ANKAR: variants seen among roughly 807,000 people sequenced by gnomAD.
ANKAR encodes ankyrin and armadillo repeat containing.
Under a neutral mutation model 146.2 loss-of-function variants are expected in ANKAR, and 136 were observed. That is an observed-to-expected ratio of 0.93 (90% CI 0.81 to 1.07). The LOEUF (loss-of-function observed/expected upper bound fraction) is 1.07, where lower values mean the gene tolerates loss of function less well. Ranked by LOEUF, ANKAR falls within the 50% of genes least tolerant of loss-of-function variation. ANKAR has a pLI of 0.00. For synonymous variants in ANKAR, 500 were observed against 575.8 expected, an observed-to-expected ratio of 0.87 and a Z score of 1.88; for missense variants, 1,567 against 1,679.9, an observed-to-expected ratio of 0.93 and a Z score of 1.18.
At chr2:189,703,282 G>A (rs1054019040) in intron 7 of ANKAR, among the ~76,000 whole-genome samples, 3 of 152,180 alleles carry the variant, frequency 2.0e-5, no homozygotes, top group Middle Eastern at 3.2e-3. Context: ...AAAACAAGAT[G>A]GGGATAGCAG....
chr2:189,702,224 C>T (rs1424026570), intron 7 of ANKAR, among the ~76,000 whole-genome samples: 1 of 152,106 alleles, frequency 6.6e-6, no homozygotes, highest in Non-Finnish European at 1.5e-5. Flanking sequence ...GAACAGAATG[C>T]CCTGGAGTAT....
In ANKAR at chr2:189,689,946, C is replaced by T. The variant is rs754109964; in HGVS notation, c.1021C>T (p.Leu341=). The T allele has an allele frequency of 9.3e-6, 14 of 1,507,638 alleles. 1 individual carries two copies. In the South Asian group the frequency reaches 1.9e-4, roughly 20 times the overall value. 93.4% of individuals were successfully genotyped at this position (1,507,638 alleles called of 1,614,324 possible). Residue 341 remains leucine, a synonymous_variant, in exon 3 of 23, where the codon CTG becomes TTG. Transcript: ENST00000684021. The stretch of plus-strand genomic sequence containing the variant: ...AATGAAAGTTCCATATTTAAGTAGT[C>T]TGCTTCAGCCTTTTTCAGGTAAGAG... ...KKMKVPYLSS[L]LQPFSDDKVK...
chr2:189,688,580 C>T (rs2035948019), intron 2 of ANKAR, among the ~76,000 whole-genome samples: 1 of 152,172 alleles, frequency 6.6e-6, no homozygotes, highest in Non-Finnish European at 1.5e-5. Context: ...GCCATTCTGA[C>T]AGGCATTTCG....
Position 189,684,453 on chromosome 2 carries a change from G to A in ANKAR, c.602-5074G>A, listed in dbSNP as rs533418450. Among the ~76,000 whole-genome samples the A allele has an allele frequency of 6.6e-5, 10 of 152,230 alleles. 1 individual carries two copies. In the East Asian group the frequency reaches 1.5e-3, roughly 23 times the overall value. ...CATTAAGCTCATTCTTGAGAGCACA[G>A]AAAATTGTGTCTTTTTTGGTTTGAT... is the stretch of plus-strand genomic sequence containing the variant. On this transcript the variant is annotated intron_variant, in intron 2 of 22. Transcript: ENST00000684021.
chr2:189,728,010 T>G lies in ANKAR; in HGVS notation c.2790T>G (p.Ala930=). Residue 930 remains alanine, a synonymous_variant, in exon 13 of 23, where the codon GCT becomes GCG. Coordinates refer to ENST00000684021, the MANE Select transcript of ANKAR (RefSeq NM_001378068.1). ...QISVQMKGAM[A]VESLASHNAL... ...GTGTCCAAATGAAAGGTGCAATGGCTGTGGAATCACTGGCAAGTCACAACG... is the reference window on the plus strand; with the variant it reads ...GTGTCCAAATGAAAGGTGCAATGGCGGTGGAATCACTGGCAAGTCACAACG... The G allele has an allele frequency of 1.9e-6, 3 of 1,614,056 alleles. No individual in the cohort carries two copies. Among genetic ancestry groups the G allele is most frequent in the Non-Finnish European group, 2.5e-6 (3 of 1,179,974 alleles).
chr2:189,728,159 A>C, intron 13 of ANKAR, 62 bp downstream of exon 13: 2 of 1,518,104 alleles, frequency 1.3e-6, no homozygotes, highest in Non-Finnish European at 8.8e-7. Flanking sequence ...TGAATTGTTA[A>C]GTGAATAGAA....
intron 16 of ANKAR, among the ~76,000 whole-genome samples, chr2:189,731,425 G>A (rs1172177298): frequency 6.9e-6 from 1 of 145,466 alleles, no homozygotes; most frequent in Non-Finnish European, 1.5e-5. Context: ...CCAGGCTGGA[G>A]TGCAATGGTG....
chr2:189,732,979 A>C, intron 16 of ANKAR, 128 bp from the exon 17 acceptor site: 1 of 869,818 alleles, frequency 1.1e-6, no homozygotes, highest in Non-Finnish European at 1.6e-6. Flanking sequence ...AACTGGAATC[A>C]ATGGATTATA....
chr2:189,750,038 G>A (rs1490663373), downstream of ANKAR, among the ~76,000 whole-genome samples: 14 of 152,198 alleles, frequency 9.2e-5, no homozygotes, highest in African/African-American at 2.2e-4. Flanking sequence ...CAGGAGAATC[G>A]CTTGAACCCA....
chr2:189,760,808 A>T (rs916640052), intron 18 of ANKAR, among the ~76,000 whole-genome samples: 1 of 152,112 alleles, frequency 6.6e-6, no homozygotes, highest in Non-Finnish European at 1.5e-5. Context: ...AAAAGAAAAA[A>T]AAAATCTGGA....
intron 19 of ANKAR, among the ~76,000 whole-genome samples, chr2:189,740,742 G>A (rs1574745537): frequency 1.3e-5 from 2 of 150,812 alleles, no homozygotes; most frequent in Non-Finnish European, 2.9e-5. Flanking sequence ...TGCCCAGGCT[G>A]TAGTGCAATG....
chr2:189,711,015 T>C, intron 9 of ANKAR, 34 bp from the exon 10 acceptor site: 3 of 1,571,654 alleles, frequency 1.9e-6, no homozygotes, highest in Non-Finnish European at 2.6e-6. Flanking sequence ...TTTGTGCAAA[T>C]TACAGCTGTG....
chr2:189,728,354 G>T lies in ANKAR; in HGVS notation c.2965G>T (p.Glu989Ter), dbSNP rs779737213. The change falls in exon 14 of 23, where the codon GAA (glutamate) becomes TAA (stop). Residue 989 changes from glutamate (E) to a stop codon, truncating the protein, a stop_gained. Transcript: ENST00000684021. LOFTEE classifies it high-confidence loss of function. ...ACTAAAACAACAAAAATATATGGCAGAACAAATTGGATACAGCTTTATAAT... is the reference window on the plus strand; with the variant it reads ...ACTAAAACAACAAAAATATATGGCATAACAAATTGGATACAGCTTTATAAT... ...QTLKQQKYMA[E>*]QIGYSFIINM... 6.2e-7 allele frequency: 1 copy of T among 1,613,132 alleles called. No homozygotes were observed. Among genetic ancestry groups the T allele is most frequent in the Non-Finnish European group, 8.5e-7 (1 of 1,179,676 alleles).
At chr2:189,761,273 G>A (rs1397834135), downstream of ANKAR, 8 of 752,740 alleles carry the variant, frequency 1.1e-5, no homozygotes, top group Non-Finnish European at 1.6e-5. Flanking sequence ...AGGATGAAGT[G>A]TTTGAGGTTT....
intron 8 of ANKAR, 135 bp downstream of exon 8, chr2:189,705,359 A>C: frequency 1.1e-6 from 1 of 882,908 alleles, no homozygotes; most frequent in Non-Finnish European, 1.7e-6. Context: ...CTAAAAGGTG[A>C]TAGGTGTGGG....
At position 189,733,205 on chromosome 2, in the gene ANKAR, T is replaced by A; in HGVS notation, c.3399T>A (p.Leu1133=). Residue 1133 remains leucine, a synonymous_variant, in exon 17 of 23, where the codon CTT becomes CTA. Transcript: ENST00000684021. ...ENEGFEYADV[L]YLLHSTEKDI... The stretch of plus-strand genomic sequence containing the variant: ...AAGGATTTGAATATGCTGATGTCCT[T>A]TATCTTCTTCACTCAACAGAAAAGG... 6.2e-7 allele frequency: 1 copy of A among 1,608,026 alleles called. No homozygotes were observed. Among genetic ancestry groups the A allele is most frequent in the South Asian group, 1.1e-5 (1 of 89,300 alleles).
chr2:189,684,032 G>A (rs2035151577), intron 2 of ANKAR, among the ~76,000 whole-genome samples: 1 of 152,168 alleles, frequency 6.6e-6, no homozygotes, highest in African/African-American at 2.4e-5. Flanking sequence ...ATTTTAGTTA[G>A]GGTGGATCCC....
chr2:189,685,771 G>A (rs1008712212), intron 2 of ANKAR, among the ~76,000 whole-genome samples: 26 of 152,130 alleles, frequency 1.7e-4, no homozygotes, highest in African/African-American at 6.3e-4. Context: ...AGGAGGGGAA[G>A]TGCTGAACTG....
rs762259263 is a variant in ANKAR at position 189,754,083 on chromosome 2, A to C, written c.*585-7015A>C. 4.3e-6 allele frequency: 7 copies of C among 1,612,002 alleles called. No individual in the cohort carries two copies. In the South Asian group the frequency reaches 7.7e-5, roughly 18 times the overall value. On this transcript the variant is annotated intron_variant and NMD_transcript_variant, in intron 18 of 18. Coordinates refer to the ANKAR transcript ENST00000441800. ...TCAATACCTGCAGAAATGAGCAGCT[A>C]TTTTTAGGCACAATCCAGGAATATT...
Sources: allele counts gnomAD v4.1 joint callset (sites outside exome capture counted in the v4.1 genomes callset), GRCh38; gene constraint gnomAD v4.1.1; transcripts MANE v1.5; gene names NCBI Gene and HGNC (gene_info 2026-07-23, HGNC 2026-07-21).